Variants in YBX3 observed in about 807,000 individuals in gnomAD.
YBX3 encodes the protein Y-box-binding protein 3.
In YBX3, 29 loss-of-function variants were observed where a neutral mutation model predicts 42.4. The observed-to-expected ratio is 0.68, with a 90% CI of 0.51 to 0.93. The LOEUF (loss-of-function observed/expected upper bound fraction) is 0.93, where lower values mean the gene tolerates loss of function less well. YBX3 is among the 40% of genes least tolerant of loss of function. The pLI is 0.00. For synonymous variants in YBX3, 195 were observed against 189.8 expected, an observed-to-expected ratio of 1.03 and a Z score of -0.22; for missense variants, 517 against 527.5, an observed-to-expected ratio of 0.98 and a Z score of 0.19.
At chr12:10,718,619 G>A (rs549403932) in intron 2 of YBX3, among the ~76,000 whole-genome samples, 1 of 152,184 alleles carries the variant, frequency 6.6e-6, no homozygotes, top group Admixed American at 6.5e-5. Context: ...AATACTCCCA[G>A]CATCTTGTAG....
intron 3 of YBX3, 156 bp from the exon 4 acceptor site, chr12:10,715,939 C>G (rs1405650525): frequency 1.3e-5 from 8 of 619,118 alleles, no homozygotes; most frequent in South Asian, 7.7e-5. Flanking sequence ...AACACAACAA[C>G]AAGAAAGCAC....
In YBX3 at chr12:10,718,398, A is replaced by G. The variant is rs1000386084; in HGVS notation, c.327-277T>C. 31 of 351,822 alleles carry G rather than the reference A, an allele frequency of 8.8e-5. No homozygotes were observed. In the South Asian group the frequency reaches 1.0e-3, roughly 12 times the overall value. The allele number at this position is 351,822 out of a possible 1,614,324, so 21.8% of individuals were successfully genotyped here. The stretch of plus-strand genomic sequence containing the variant: ...GTTCCTCTGTCTCTTTCTGAATCAC[A>G]TGGTGTGTAATCAGAGCCTCAGATT... On this transcript the variant is annotated intron_variant, in intron 2 of 9. Coordinates refer to ENST00000228251, the MANE Select transcript of YBX3 (RefSeq NM_003651.5).
intron 5 of YBX3, chr12:10,712,766 A>G (rs945838298): frequency 3.3e-5 from 5 of 152,642 alleles, no homozygotes; most frequent in African/African-American, 9.6e-5. Context: ...GTTAAAAAAA[A>G]CCTCAGCACT....
intron 6 of YBX3, 159 bp from the exon 7 acceptor site, chr12:10,704,307 T>A (rs1323348239): frequency 7.1e-6 from 4 of 559,738 alleles, no homozygotes; most frequent in Non-Finnish European, 1.3e-5. Context: ...TATGAGTAAA[T>A]CTTCGTGAAC....
intron 6 of YBX3, 106 bp from the exon 7 acceptor site, chr12:10,704,254 T>A: frequency 3.6e-6 from 3 of 825,948 alleles, no homozygotes; most frequent in Non-Finnish European, 5.7e-6. Flanking sequence ...AACAAAATGC[T>A]TCATTACAAA....
intron 9 of YBX3, among the ~76,000 whole-genome samples, chr12:10,700,582 A>G (rs1215211180): frequency 6.6e-6 from 1 of 152,220 alleles, no homozygotes; most frequent in Non-Finnish European, 1.5e-5. Flanking sequence ...AGAAAATAAC[A>G]AGCTATCCTT....
Position 10,715,796 on chromosome 12 carries a change from C to G in YBX3, c.361-13G>C, listed in dbSNP as rs377175710. 9.3e-6 allele frequency: 15 copies of G among 1,609,938 alleles called. No homozygotes were observed. In the African/African-American group the frequency reaches 1.2e-4, roughly 13 times the overall value. ...TCTTGATGGCAGTCTGGAAAGAGAA[C>G]AGAAAATTTTATTCGATGTATATTT... On this transcript the variant is annotated splice_polypyrimidine_tract_variant and intron_variant, in intron 3 of 9. Transcript: ENST00000228251.
intron 9 of YBX3, among the ~76,000 whole-genome samples, 155 bp from the exon 10 acceptor site, chr12:10,699,809 A>G (rs1322368643): frequency 6.6e-6 from 1 of 152,218 alleles, no homozygotes; most frequent in Non-Finnish European, 1.5e-5. Flanking sequence ...TGTAAGCTAT[A>G]TGTTAATTAA....
intron 4 of YBX3, among the ~76,000 whole-genome samples, chr12:10,715,319 T>C (rs935136809): frequency 2.6e-5 from 4 of 151,596 alleles, no homozygotes; most frequent in Non-Finnish European, 5.9e-5. Context: ...CTGACACAGG[T>C]GGATCACCTA....
chr12:10,702,860 T>A (rs1465163184), intron 7 of YBX3: 1 of 152,220 alleles, frequency 6.6e-6, no homozygotes, highest in Non-Finnish European at 1.5e-5. Flanking sequence ...GTTTTAAAAT[T>A]AAATATTTAA....
At chr12:10,711,947 T>C (rs1948205497) in intron 5 of YBX3, 1 of 152,136 alleles carries the variant, frequency 6.6e-6, no homozygotes, top group African/African-American at 2.4e-5. Flanking sequence ...AAAGAGAACA[T>C]GATGTAGGAA....
chr12:10,710,574 G>A (rs1948189223), intron 5 of YBX3: 1 of 1,241,582 alleles, frequency 8.1e-7, no homozygotes, highest in African/African-American at 1.6e-5. Context: ...AGTCTGTAAA[G>A]TGTGGATGGG....
chr12:10,704,510 T>C (rs960640428), intron 6 of YBX3: 6 of 160,980 alleles, frequency 3.7e-5, no homozygotes, highest in East Asian at 1.8e-4. Flanking sequence ...AATTAACTTA[T>C]TGTACAACTT....
At chr12:10,713,047 A>C in intron 5 of YBX3, 164 bp downstream of exon 5, 2 of 978,556 alleles carry the variant, frequency 2.0e-6, no homozygotes, top group Non-Finnish European at 2.9e-6. Context: ...AATAATACAC[A>C]TTTTAAAAAA....
rs750133676 is a variant in YBX3 at position 10,709,876 on chromosome 12, T to C, written c.780+32A>G. On this transcript the variant is annotated intron_variant, in intron 6 of 9. Transcript: ENST00000228251. ...GCAGAGAAGGACGGAAGGGTGAGGA[T>C]TGCTGAAGAGAAGTCTCAGTTGCAA... The C allele has an allele frequency of 8.7e-6, 14 of 1,611,354 alleles. No individual in the cohort carries two copies. The East Asian group carries it at 8.9e-5, about 10-fold the overall frequency.
chr12:10,715,887 G>A (rs539356911), intron 3 of YBX3, 104 bp from the exon 4 acceptor site: 13 of 943,354 alleles, frequency 1.4e-5, no homozygotes, highest in East Asian at 1.2e-4. Flanking sequence ...ACTGTTGACC[G>A]ATTCTTATTT....
In YBX3 at chr12:10,701,310, G is replaced by A. The variant is rs1948075937; in HGVS notation, c.1097C>T (p.Thr366Ile). 1 of 780,950 alleles carries A rather than the reference G, an allele frequency of 1.3e-6. No homozygotes were observed. Among genetic ancestry groups the A allele is most frequent in the Non-Finnish European group, 2.4e-6 (1 of 418,136 alleles). The allele number at this position is 780,950 out of a possible 1,614,324, so 48.4% of individuals were successfully genotyped here. ...EAPTENPAPP[T>I]QQSSAE ...GTGTTACTCAGCACTGCTCTGCTGG[G>A]TGGGTGGAGCAGGGTTCTCAGTTGG... is the stretch of plus-strand genomic sequence containing the variant. The change falls in exon 9 of 10, where the codon ACC becomes ATC. Residue 366 changes from threonine to isoleucine, a missense_variant. This residue lies in a region of YBX3 where 420 missense variants were observed against 408.5 expected (regional missense o/e 1.03). Coordinates refer to ENST00000228251, the MANE Select transcript of YBX3 (RefSeq NM_003651.5).
chr12:10,719,094 A>G lies in YBX3; in HGVS notation c.312T>C (p.Tyr104=). ...TVKWFNVRNG[Y]GFINRNDTKE... Reference sequence around the variant, plus strand: ...CACACACATACCGATTTATAAATCCATATCCATTTCTGACGTTGAACCATT... The same window carrying G: ...CACACACATACCGATTTATAAATCCGTATCCATTTCTGACGTTGAACCATT... The change falls in exon 2 of 10, where the codon TAT becomes TAC. Residue 104 remains tyrosine, a synonymous_variant. Coordinates refer to ENST00000228251, the MANE Select transcript of YBX3 (RefSeq NM_003651.5). The G allele has an allele frequency of 1.9e-6, 3 of 1,613,500 alleles. No homozygotes were observed. The highest frequency in any genetic ancestry group is 2.5e-6 in the Non-Finnish European group (3 of 1,179,638).
At chr12:10,706,083 C>A (rs1264813626) in intron 6 of YBX3, among the ~76,000 whole-genome samples, 1 of 152,144 alleles carries the variant, frequency 6.6e-6, no homozygotes, top group Non-Finnish European at 1.5e-5. Context: ...GTAGACAGAA[C>A]CATGGAACAC....
Sources: allele counts gnomAD v4.1 joint callset (sites outside exome capture counted in the v4.1 genomes callset), GRCh38; gene constraint gnomAD v4.1.1; regional missense constraint gnomAD v4.1.1; transcripts MANE v1.5; gene names NCBI Gene and HGNC (gene_info 2026-07-23, HGNC 2026-07-21).